Variants in CADM2 observed in about 807,000 individuals in gnomAD.
CADM2 encodes cell adhesion molecule 2, also known as immunoglobulin superfamily member 4D.
CADM2 carries 12 observed loss-of-function variants against 49.8 expected under a neutral mutation model. That is an observed-to-expected ratio of 0.24 (90% confidence interval 0.15 to 0.39). The LOEUF is 0.39. Ranked by LOEUF, CADM2 falls within the 10% of genes least tolerant of loss-of-function variation. The pLI, the probability that CADM2 is intolerant of heterozygous loss-of-function variation, is 1.00. For missense variants in CADM2, 378 were observed against 492.3 expected, an observed-to-expected ratio of 0.77 and a Z score of 2.20; for synonymous variants, 214 against 175.4, an observed-to-expected ratio of 1.22 and a Z score of -1.74.
intron 1 of CADM2, among the ~76,000 whole-genome samples, chr3:85,623,906 A>C (rs368553606): frequency 3.3e-4 from 50 of 152,250 alleles, no homozygotes; most frequent in African/African-American, 1.1e-3. Context: ...GATCATTTAG[A>C]AATCTCTATG....
intron 8 of CADM2, among the ~76,000 whole-genome samples, chr3:85,969,512 A>G (rs1410283992): frequency 1.3e-5 from 2 of 151,134 alleles, no homozygotes; most frequent in Admixed American, 6.6e-5. Flanking sequence ...TTCCATTACC[A>G]TCTAAATTGT....
At chr3:85,860,763 A>T (rs554492991) in intron 3 of CADM2, among the ~76,000 whole-genome samples, 2 of 152,268 alleles carry the variant, frequency 1.3e-5, no homozygotes, top group South Asian at 4.1e-4. Flanking sequence ...GGGTTTCCAC[A>T]TATGAAATTT....
chr3:85,769,503 G>GTA (rs1491327673), intron 2 of CADM2, among the ~76,000 whole-genome samples: 1 of 26,340 alleles, frequency 3.8e-5, no homozygotes, highest in African/African-American at 1.5e-4. Context: ...ATACATATAT[G>GTA]TATATATACA....
chr3:85,876,449 G>A (rs1711850368), intron 3 of CADM2, among the ~76,000 whole-genome samples: 1 of 151,928 alleles, frequency 6.6e-6, no homozygotes, highest in South Asian at 2.1e-4. Flanking sequence ...ACATGTGTGA[G>A]GCCTTGAAAA....
At chr3:85,486,294 A>G (rs2039413156) in intron 1 of CADM2, among the ~76,000 whole-genome samples, 2 of 141,644 alleles carry the variant, frequency 1.4e-5, no homozygotes, top group Non-Finnish European at 3.2e-5. Context: ...TTTTATAGGC[A>G]ATTTTAGGGG....
rs1409654422 is a variant in CADM2 at position 86,073,000 on chromosome 3, C to T, written c.*6217C>T. 6.6e-6 allele frequency: 1 copy of T among 151,908 alleles called. No homozygotes were observed. Among genetic ancestry groups the T allele is most frequent in the African/African-American group, 2.4e-5 (1 of 41,380 alleles). 9.4% of individuals were successfully genotyped at this position (151,908 alleles called of 1,614,324 possible). On this transcript the variant is annotated 3_prime_UTR_variant, in exon 10 of 10. Coordinates refer to ENST00000383699, the MANE Select transcript of CADM2 (RefSeq NM_001167675.2). The stretch of plus-strand genomic sequence containing the variant: ...TTCAATGACGCAGTTAAGTCATCAC[C>T]CAAGGATTTATGAATTTGAGATTAC...
intron 5 of CADM2, among the ~76,000 whole-genome samples, chr3:85,893,422 G>A (rs1714751759): frequency 1.3e-5 from 2 of 152,170 alleles, no homozygotes; most frequent in Admixed American, 1.3e-4. Context: ...GTACCATTCT[G>A]GACATAGGCA....
intron 1 of CADM2, among the ~76,000 whole-genome samples, chr3:85,193,171 G>T (rs2041250150): frequency 6.6e-6 from 1 of 151,982 alleles, no homozygotes; most frequent in South Asian, 2.1e-4. Flanking sequence ...GGATATATGA[G>T]ACATTTTCTG....
chr3:85,312,877 C>T (rs2044380059), intron 1 of CADM2, among the ~76,000 whole-genome samples: 1 of 151,984 alleles, frequency 6.6e-6, no homozygotes, highest in Non-Finnish European at 1.5e-5. Context: ...GAGGCTAGTA[C>T]AAAATATTAT....
In CADM2 at chr3:85,548,776, C is replaced by A. The variant is rs112042257; in HGVS notation, c.62-177746C>A. 3.3e-3 allele frequency among the ~76,000 whole-genome samples: 500 copies of A among 152,196 alleles called. 3 individuals are homozygous for A. Among genetic ancestry groups the A allele is most frequent in the African/African-American group, 0.011 (438 of 41,512 alleles). On this transcript the variant is annotated intron_variant, in intron 1 of 9. Transcript: ENST00000383699. The stretch of plus-strand genomic sequence containing the variant: ...GCTTTACTTCCTTGCTTCTAAATTG[C>A]CTTCATGTATTAGAAGTCTTTGGCT...
intron 8 of CADM2, among the ~76,000 whole-genome samples, chr3:85,963,823 G>T (rs1725142648): frequency 6.6e-6 from 1 of 151,822 alleles, no homozygotes; most frequent in South Asian, 2.1e-4. Flanking sequence ...TAAGCACTTT[G>T]TGAGAAGTCA....
chr3:84,987,799 G>T (rs1378316970), intron 1 of CADM2, among the ~76,000 whole-genome samples: 1 of 152,136 alleles, frequency 6.6e-6, no homozygotes, highest in Admixed American at 6.6e-5. Flanking sequence ...CTGTCTCCCC[G>T]ACTTTTCAGA....
intron 2 of CADM2, among the ~76,000 whole-genome samples, chr3:85,787,589 T>G (rs773703720): frequency 9.9e-5 from 15 of 152,114 alleles, no homozygotes; most frequent in Non-Finnish European, 2.1e-4. Flanking sequence ...CTTCCATATA[T>G]GTGGGTTTCT....
intron 1 of CADM2, among the ~76,000 whole-genome samples, chr3:85,281,482 A>G (rs1211194485): frequency 6.6e-6 from 1 of 152,064 alleles, no homozygotes; most frequent in Non-Finnish European, 1.5e-5. Flanking sequence ...CAATGGATAA[A>G]TGTAACATCT....
chr3:85,822,571 G>A (rs773343783), intron 3 of CADM2, among the ~76,000 whole-genome samples: 5 of 151,920 alleles, frequency 3.3e-5, no homozygotes, highest in African/African-American at 4.8e-5. Flanking sequence ...GCGACAGAGC[G>A]AAACTCCATC....
intron 1 of CADM2, among the ~76,000 whole-genome samples, chr3:85,103,916 C>A (rs1350513745): frequency 6.6e-6 from 1 of 151,960 alleles, no homozygotes; most frequent in Non-Finnish European, 1.5e-5. Flanking sequence ...AAGTAGGTAA[C>A]CACACATGAT....
chr3:85,380,590 A>G (rs1163004665), intron 1 of CADM2, among the ~76,000 whole-genome samples: 2 of 151,908 alleles, frequency 1.3e-5, no homozygotes, highest in Non-Finnish European at 2.9e-5. Context: ...TATTTTTTCA[A>G]GTGTACTTTT....
intron 8 of CADM2, chr3:86,014,285 T>A: frequency 6.7e-6 from 9 of 1,340,508 alleles, no homozygotes; most frequent in Non-Finnish European, 8.1e-6. Flanking sequence ...TTGTTACTAT[T>A]GTTGTTCTTA....
At chr3:85,966,523 A>C (rs767189821) in intron 8 of CADM2, among the ~76,000 whole-genome samples, 1 of 151,650 alleles carries the variant, frequency 6.6e-6, no homozygotes, top group Non-Finnish European at 1.5e-5. Flanking sequence ...AACTCTTGCT[A>C]TCATTTAGAA....
Sources: gnomAD v4.1 joint callset for allele counts (sites outside exome capture counted in the v4.1 genomes callset) on GRCh38, gnomAD v4.1.1 for gene constraint, MANE v1.5 for transcripts, NCBI Gene and HGNC (gene_info 2026-07-23, HGNC 2026-07-21) for gene names.